The following USP34 variants were observed in gnomAD, a reference collection of about 807,000 sequenced individuals.
USP34 encodes the protein ubiquitin carboxyl-terminal hydrolase 34.
In USP34, 70 loss-of-function variants were observed where a neutral mutation model predicts 460.3. The ratio of observed to expected loss-of-function variants is 0.15; its 90% CI spans 0.13 to 0.19. The LOEUF (loss-of-function observed/expected upper bound fraction) is 0.19. Ranked by LOEUF, USP34 falls within the 10% of genes least tolerant of loss-of-function variation. The probability of loss-of-function intolerance (pLI) is 1.00; values close to 1 mark genes in which losing one functional copy is unlikely to be tolerated. For synonymous variants in USP34, 1,647 were observed against 1,405.3 expected (o/e 1.17, Z -3.85); for missense variants, 3,985 against 4,236.2 (o/e 0.94, Z 1.65).
At chr2:61,409,997 T>C (rs554782398) in intron 2 of USP34, among the ~76,000 whole-genome samples, 7 of 152,302 alleles carry the variant, frequency 4.6e-5, no homozygotes, top group Admixed American at 3.9e-4. Flanking sequence ...GAAGTCTAGG[T>C]ATATGAATTC....
At chr2:61,205,269 G>GT (rs919156551) in intron 72 of USP34, among the ~76,000 whole-genome samples, 2 of 152,144 alleles carry the variant, frequency 1.3e-5, no homozygotes, top group African/African-American at 4.8e-5. Context: ...TACTTTTAAT[G>GT]TTTTACGATG....
At chr2:61,381,887 T>C (rs1692986278) in intron 6 of USP34, among the ~76,000 whole-genome samples, 1 of 152,168 alleles carries the variant, frequency 6.6e-6, no homozygotes, top group Admixed American at 6.5e-5. Context: ...AGTCTTGTCT[T>C]TAAGTTCTCC....
intron 1 of USP34, among the ~76,000 whole-genome samples, chr2:61,430,614 G>T (rs1694642129): frequency 6.6e-6 from 1 of 152,116 alleles, no homozygotes; most frequent in Non-Finnish European, 1.5e-5. Context: ...TAACCTTATT[G>T]TATGTAAATT....
chr2:61,195,501 G>T (rs558182649), intron 75 of USP34, among the ~76,000 whole-genome samples: 1 of 151,524 alleles, frequency 6.6e-6, no homozygotes, highest in South Asian at 2.1e-4. Context: ...GTGAAACCCC[G>T]TTTCTACTAA....
intron 41 of USP34, among the ~76,000 whole-genome samples, chr2:61,270,878 C>T (rs1689192907): frequency 6.6e-6 from 1 of 152,190 alleles, no homozygotes; most frequent in Admixed American, 6.5e-5. Flanking sequence ...CTAAACTGAA[C>T]CAACCAATTT....
At chr2:61,207,109 A>T in intron 70 of USP34, 2 of 397,990 alleles carry the variant, frequency 5.0e-6, no homozygotes, top group East Asian at 4.3e-5. Context: ...TGTATATTCT[A>T]GTCTGAAGAA....
At chr2:61,309,736 G>A (rs1055879360) in intron 27 of USP34, among the ~76,000 whole-genome samples, 7 of 152,106 alleles carry the variant, frequency 4.6e-5, no homozygotes, top group African/African-American at 1.7e-4. Flanking sequence ...GAAGAGCTTA[G>A]AAAAAGAAAA....
rs767556187 is a variant in USP34, at chr2:61,470,604, G to A, written c.43+46C>T. On this transcript the variant is annotated intron_variant, in intron 1 of 79. Transcript: ENST00000398571. ...CGGGGAGGCCAGAGAGCTGCGCGAG[G>A]ACCCCAAACCGTGCACCCCGACAGG... 7.3e-6 allele frequency: 10 copies of A among 1,371,244 alleles called. No individual in the cohort carries two copies. In the Admixed American group the frequency reaches 1.4e-4, roughly 19 times the overall value. 84.9% of individuals were successfully genotyped at this position (1,371,244 alleles called of 1,614,324 possible). A position where few individuals can be genotyped will look rare whatever the true frequency, so the allele number is the denominator to read the frequency against.
At chr2:61,305,790 C>T (rs1023526024) in intron 27 of USP34, among the ~76,000 whole-genome samples, 5 of 150,882 alleles carry the variant, frequency 3.3e-5, no homozygotes, top group African/African-American at 4.9e-5. Context: ...TTTTTTTCCC[C>T]GTCGTTGGCT....
intron 58 of USP34, among the ~76,000 whole-genome samples, chr2:61,230,816 C>T (rs1190240289): frequency 6.7e-6 from 1 of 149,818 alleles, no homozygotes; most frequent in Non-Finnish European, 1.5e-5. Context: ...TGCACTCTAG[C>T]CTGGGCCACA....
chr2:61,369,759 G>T (rs1482140477), intron 10 of USP34, among the ~76,000 whole-genome samples: 1 of 122,696 alleles, frequency 8.2e-6, no homozygotes, highest in East Asian at 2.5e-4. Flanking sequence ...AATAAATTAA[G>T]AAAGAAAAAA....
chr2:61,427,176 C>T (rs903744344), intron 1 of USP34, among the ~76,000 whole-genome samples: 10 of 152,260 alleles, frequency 6.6e-5, no homozygotes, highest in Non-Finnish European at 1.0e-4. Flanking sequence ...TACAGGTGCC[C>T]GCCACCACGC....
In USP34 at chr2:61,188,305, A is replaced by G. The variant is rs1311882095; in HGVS notation, c.10438T>C (p.Leu3480=). Residue 3480 remains leucine, a synonymous_variant, in exon 80 of 80, where the codon TTA becomes CTA. Transcript: ENST00000398571. ...STSISAVLSD[L]ADLRSCDGQA... ...CCATCACAGCTTCTCAAGTCAGCTA[A>G]GTCAGACAGAACTGCAGAGATAGAA... is the stretch of plus-strand genomic sequence containing the variant. 6.2e-7 allele frequency: 1 copy of G among 1,613,790 alleles called. No individual in the cohort carries two copies. The highest frequency in any genetic ancestry group is 8.5e-7 in the Non-Finnish European group (1 of 1,180,024).
rs201047933 is a variant in USP34 at position 61,257,341 on chromosome 2, A to T, written c.5854T>A (p.Cys1952Ser). ...KMFTYLMESE[C>S]KAYNPRPFCK... is the part of the protein sequence containing the mutation. The stretch of plus-strand genomic sequence containing the variant: ...AAAGGTCTAGGATTATATGCTTTGC[A>T]TTCACTCTCCTGCAAATAAAAAGGG... Residue 1952 changes from cysteine (C) to serine (S), a missense_variant, in exon 45 of 80, where the codon TGC becomes AGC. This residue lies in a region of USP34 where 145 missense variants were observed against 291.6 expected (regional missense o/e 0.50). Transcript: ENST00000398571. 4 of 1,590,666 alleles carry T rather than the reference A, an allele frequency of 2.5e-6. No individual in the cohort carries two copies. The East Asian group carries it at 9.0e-5, about 36-fold the overall frequency.
At chr2:61,422,217 A>G (rs994208607) in intron 1 of USP34, among the ~76,000 whole-genome samples, 2 of 152,220 alleles carry the variant, frequency 1.3e-5, no homozygotes, top group African/African-American at 4.8e-5. Context: ...TATGATTTCA[A>G]CAAGGTGAAG....
intron 5 of USP34, among the ~76,000 whole-genome samples, chr2:61,389,735 A>C (rs1025544043): frequency 6.6e-6 from 1 of 152,026 alleles, no homozygotes; most frequent in Admixed American, 6.6e-5. Context: ...TGTGTCCTTT[A>C]TCATTTTTTT....
At chr2:61,349,941 T>C (rs902029727) in intron 12 of USP34, among the ~76,000 whole-genome samples, 1 of 152,004 alleles carries the variant, frequency 6.6e-6, no homozygotes, top group African/African-American at 2.4e-5. Flanking sequence ...AACTGAATCA[T>C]TATGTTCTAC....
intron 1 of USP34, among the ~76,000 whole-genome samples, chr2:61,456,154 C>G (rs1275196502): frequency 6.6e-6 from 1 of 152,142 alleles, no homozygotes; most frequent in Non-Finnish European, 1.5e-5. Context: ...TCAGTAAATA[C>G]AATATTAAGA....
intron 57 of USP34, among the ~76,000 whole-genome samples, chr2:61,232,867 C>CT (rs1280199024): frequency 2.2e-4 from 26 of 118,872 alleles, no homozygotes; most frequent in African/African-American, 6.8e-4. Flanking sequence ...TATTCCCCCC[C>CT]CCCTTTTTTT....
Sources: allele counts gnomAD v4.1 joint callset (sites outside exome capture counted in the v4.1 genomes callset), GRCh38; gene constraint gnomAD v4.1.1; regional missense constraint gnomAD v4.1.1; transcripts MANE v1.5; gene names NCBI Gene and HGNC (gene_info 2026-07-23, HGNC 2026-07-21).